The following GNA12 variants were observed in gnomAD, a reference collection of about 807,000 sequenced individuals.
The protein encoded by GNA12 is G protein subunit alpha 12.
A neutral mutation model predicts 26.0 loss-of-function variants in GNA12; 9 were observed. The observed-to-expected ratio is 0.35, with a 90% CI of 0.21 to 0.60. The LOEUF (loss-of-function observed/expected upper bound fraction) is 0.60, where lower values mean the gene tolerates loss of function less well. Ranked by LOEUF, GNA12 falls within the 20% of genes least tolerant of loss-of-function variation. The pLI, the probability that GNA12 is intolerant of heterozygous loss-of-function variation, is 0.78. For synonymous variants in GNA12, 264 were observed against 219.6 expected (o/e 1.20, Z -1.79); for missense variants, 405 against 525.8 (o/e 0.77, Z 2.25).
At chr7:2,748,380 G>C (rs1475173532) in intron 2 of GNA12, among the ~76,000 whole-genome samples, 1 of 152,160 alleles carries the variant, frequency 6.6e-6, no homozygotes, top group African/African-American at 2.4e-5. Context: ...TCTGATCTTT[G>C]ACAAACCTGA....
intron 1 of GNA12, among the ~76,000 whole-genome samples, chr7:2,834,981 C>T (rs1011517406): frequency 3.1e-4 from 47 of 152,020 alleles, no homozygotes; most frequent in African/African-American, 1.0e-3. Flanking sequence ...CTATACATTG[C>T]GATGCGTGAC....
intron 1 of GNA12, chr7:2,835,546 AT>A (rs1778813488): frequency 8.4e-6 from 4 of 476,876 alleles, no homozygotes. Flanking sequence ...TTGCCAGGGA[AT>A]TCTGGGCCGA....
chr7:2,785,324 A>C (rs1227278497), intron 2 of GNA12, among the ~76,000 whole-genome samples: 4 of 152,202 alleles, frequency 2.6e-5, no homozygotes, highest in African/African-American at 4.8e-5. Flanking sequence ...TAGCTTTGTC[A>C]CGTCAGGCAA....
At chr7:2,795,907 G>A (rs1193361467) in intron 1 of GNA12, among the ~76,000 whole-genome samples, 9 of 148,988 alleles carry the variant, frequency 6.0e-5, no homozygotes, top group East Asian at 2.0e-4. Context: ...TGCAACCTCC[G>A]CCTCCCAGGT....
intron 1 of GNA12, among the ~76,000 whole-genome samples, chr7:2,799,345 T>C (rs1045974937): frequency 3.9e-5 from 6 of 152,172 alleles, no homozygotes; most frequent in African/African-American, 1.4e-4. Context: ...TTTGTGAGGC[T>C]GAGGGGAGAG....
chr7:2,810,938 AATGAG>A (rs1234808512), intron 1 of GNA12, among the ~76,000 whole-genome samples: 4 of 152,092 alleles, frequency 2.6e-5, no homozygotes, highest in Admixed American at 6.6e-5. Flanking sequence ...ACAAAAAGAT[AATGAG>A]ATAACATGTG....
chr7:2,756,151 T>A (rs1236110074), intron 2 of GNA12, among the ~76,000 whole-genome samples: 5 of 152,064 alleles, frequency 3.3e-5, no homozygotes. Flanking sequence ...CCCCCACATA[T>A]ATGGCCAATT....
At position 2,729,724 on chromosome 7, in the gene GNA12, G is replaced by A. The variant is rs1789793645; in HGVS notation, c.*1457C>T. 1 of 152,426 alleles carries A rather than the reference G, an allele frequency of 6.6e-6. No homozygotes were observed. 9.4% of individuals were successfully genotyped at this position (152,426 alleles called of 1,614,324 possible). A position where few individuals can be genotyped will look rare whatever the true frequency, so the allele number is the denominator to read the frequency against. On this transcript the variant is annotated 3_prime_UTR_variant, in exon 4 of 4. Coordinates refer to ENST00000275364, the MANE Select transcript of GNA12 (RefSeq NM_007353.3). ...GTGACTGAGCCACAGCAACATTCGG[G>A]TGCCAATTAAGAGGACGCTTTTCAT...
At chr7:2,773,510 C>G (rs575102156) in intron 2 of GNA12, among the ~76,000 whole-genome samples, 80 of 152,232 alleles carry the variant, frequency 5.3e-4, no homozygotes, top group African/African-American at 1.8e-3. Context: ...TGCAGTGAGC[C>G]AAAATCACAC....
intron 1 of GNA12, among the ~76,000 whole-genome samples, chr7:2,824,671 G>A (rs1001061339): frequency 6.6e-6 from 1 of 152,116 alleles, no homozygotes; most frequent in Non-Finnish European, 1.5e-5. Context: ...CTGATTCACC[G>A]ACTTATTAAA....
intron 2 of GNA12, among the ~76,000 whole-genome samples, chr7:2,753,417 TGTGA>T (rs1261145940): frequency 7.0e-6 from 1 of 142,636 alleles, no homozygotes; most frequent in Middle Eastern, 3.3e-3. Flanking sequence ...GGATTACAGG[TGTGA>T]GCCCCTGCAC....
chr7:2,762,856 A>G (rs929106394), intron 2 of GNA12: 114 of 1,478,038 alleles, frequency 7.7e-5, no homozygotes, highest in Non-Finnish European at 1.0e-4. Context: ...GAAGCAGGAG[A>G]GGGCCAGCTC....
intron 2 of GNA12, among the ~76,000 whole-genome samples, chr7:2,760,075 G>C (rs1264742300): frequency 6.6e-6 from 1 of 152,250 alleles, no homozygotes; most frequent in South Asian, 2.1e-4. Context: ...AGGAACTGAA[G>C]GTCAAGAGCT....
intron 2 of GNA12, among the ~76,000 whole-genome samples, chr7:2,782,751 C>T (rs530062842): frequency 9.2e-5 from 14 of 152,076 alleles, no homozygotes; most frequent in South Asian, 2.1e-4. Flanking sequence ...GGTGCTGCCC[C>T]GACTTTTCTT....
chr7:2,737,210 C>G (rs1247779559), intron 2 of GNA12, among the ~76,000 whole-genome samples: 1 of 151,244 alleles, frequency 6.6e-6, no homozygotes, highest in East Asian at 1.9e-4. Context: ...CAGCTCCTGG[C>G]CAGAGGGCCT....
At chr7:2,792,333 A>G (rs17132719) in intron 2 of GNA12, among the ~76,000 whole-genome samples, 12,775 of 152,288 alleles carry the variant, frequency 0.084, 594 homozygotes, top group Middle Eastern at 0.26. Flanking sequence ...CCTCAGGCAC[A>G]GCATAACTGG....
rs566397982 is a variant in GNA12 at position 2,787,249 on chromosome 7, G to A, written c.525+7679C>T. On this transcript the variant is annotated intron_variant, in intron 2 of 3. Transcript: ENST00000275364. ...ATGGCAGCTCACCGCCTCCGTCACC[G>A]TCACCTACATTACTTCAAGAGCCTC... is the stretch of plus-strand genomic sequence containing the variant. Among the ~76,000 whole-genome samples, 215 of 152,214 alleles carry A rather than the reference G, an allele frequency of 1.4e-3. 2 individuals carry two copies. The highest frequency in any genetic ancestry group is 4.7e-3 in the African/African-American group (196 of 41,518).
intron 2 of GNA12, among the ~76,000 whole-genome samples, chr7:2,761,961 A>AC (rs1791578695): frequency 1.3e-5 from 2 of 152,148 alleles, no homozygotes; most frequent in Admixed American, 1.3e-4. Flanking sequence ...CCAGCCGCCC[A>AC]CCAGTCCACC....
rs1394389317 is a variant in GNA12, at chr7:2,746,100, A to G, written c.526-12599T>C. Among the ~76,000 whole-genome samples, 4 of 152,244 alleles carry G rather than the reference A, an allele frequency of 2.6e-5. No homozygotes were observed. In the South Asian group the frequency reaches 8.3e-4, roughly 31 times the overall value. On this transcript the variant is annotated intron_variant, in intron 2 of 3. Coordinates refer to ENST00000275364, the MANE Select transcript of GNA12 (RefSeq NM_007353.3). ...ACTTTAACACCCCACTGTCAACATTAGACAGATCAACGAGACAGAAAGTTA... is the reference window on the plus strand; with the variant it reads ...ACTTTAACACCCCACTGTCAACATTGGACAGATCAACGAGACAGAAAGTTA...
Sources: gnomAD v4.1 joint callset for allele counts (sites outside exome capture counted in the v4.1 genomes callset) on GRCh38, gnomAD v4.1.1 for gene constraint, MANE v1.5 for transcripts, NCBI Gene and HGNC (gene_info 2026-07-23, HGNC 2026-07-21) for gene names.